NKAIN3: variants seen among roughly 807,000 people sequenced by gnomAD.
The protein encoded by NKAIN3 is sodium/potassium transporting ATPase interacting 3, also known as sodium/potassium-transporting ATPase subunit beta-1-interacting protein 3.
Under a neutral mutation model 30.2 loss-of-function variants are expected in NKAIN3, and 25 were observed. The observed-to-expected ratio is 0.83, with a 90% CI of 0.60 to 1.16. NKAIN3 has a LOEUF of 1.16. Among genes scored for constraint, NKAIN3 ranks in the 50% most tolerant of loss-of-function variants. The pLI is 0.00. For missense variants in NKAIN3, 225 were observed against 254.1 expected (o/e 0.89, Z 0.78); for synonymous variants, 91 against 89.6 (o/e 1.02, Z -0.09).
intron 1 of NKAIN3, among the ~76,000 whole-genome samples, chr8:62,401,546 T>C (rs1803873861): frequency 6.6e-6 from 1 of 152,134 alleles, no homozygotes; most frequent in Non-Finnish European, 1.5e-5. Flanking sequence ...GTATTTGCAG[T>C]CTGTGCCCAT....
At chr8:62,739,163 G>C (rs1343291773) in intron 3 of NKAIN3, among the ~76,000 whole-genome samples, 2 of 152,060 alleles carry the variant, frequency 1.3e-5, no homozygotes, top group Admixed American at 1.3e-4. Flanking sequence ...ACCTAATGTA[G>C]ATGATGAGTT....
intron 1 of NKAIN3, among the ~76,000 whole-genome samples, chr8:62,271,436 G>T (rs1286657582): frequency 6.6e-6 from 1 of 152,140 alleles, no homozygotes; most frequent in Admixed American, 6.6e-5. Context: ...GTATCAAGGT[G>T]TTCCTAAGAG....
intron 1 of NKAIN3, among the ~76,000 whole-genome samples, chr8:62,426,680 T>C (rs895332119): frequency 6.6e-6 from 1 of 151,978 alleles, no homozygotes; most frequent in African/African-American, 2.4e-5. Flanking sequence ...GCCTATTTCA[T>C]TAATTAAGAG....
chr8:62,288,076 C>T (rs971260960), intron 1 of NKAIN3, among the ~76,000 whole-genome samples: 1 of 152,130 alleles, frequency 6.6e-6, no homozygotes, highest in Non-Finnish European at 1.5e-5. Flanking sequence ...CCTCCTAACC[C>T]TCCGAGTAAA....
intron 3 of NKAIN3, among the ~76,000 whole-genome samples, chr8:62,676,233 C>A (rs1480732042): frequency 6.6e-6 from 1 of 152,178 alleles, no homozygotes; most frequent in Non-Finnish European, 1.5e-5. Flanking sequence ...CTGTCTGACT[C>A]CAAAGAACAC....
At chr8:62,678,167 A>G (rs1207068779) in intron 3 of NKAIN3, among the ~76,000 whole-genome samples, 1 of 152,190 alleles carries the variant, frequency 6.6e-6, no homozygotes, top group Non-Finnish European at 1.5e-5. Context: ...AAATAGGCAG[A>G]TAGTGGAGTC....
intron 1 of NKAIN3, among the ~76,000 whole-genome samples, chr8:62,509,857 C>T (rs1352830893): frequency 6.6e-6 from 1 of 152,026 alleles, no homozygotes; most frequent in African/African-American, 2.4e-5. Flanking sequence ...CTATTATAGG[C>T]AAAGCATTCT....
intron 1 of NKAIN3, among the ~76,000 whole-genome samples, chr8:62,264,791 A>G (rs775136744): frequency 6.6e-6 from 1 of 152,130 alleles, no homozygotes; most frequent in Non-Finnish European, 1.5e-5. Context: ...GTCCATTGTG[A>G]TGGTAAAATT....
At chr8:62,587,364 A>T (rs1810508695) in intron 2 of NKAIN3, among the ~76,000 whole-genome samples, 1 of 152,148 alleles carries the variant, frequency 6.6e-6, no homozygotes, top group East Asian at 1.9e-4. Context: ...AACAAACAAC[A>T]CAAGAATTCC....
At chr8:62,746,814 C>T in intron 3 of NKAIN3, 118 bp from the exon 4 acceptor site, 1 of 663,064 alleles carries the variant, frequency 1.5e-6, no homozygotes, top group South Asian at 2.2e-5. Context: ...TTACTTTTCA[C>T]TTGAAATTGA....
intron 1 of NKAIN3, among the ~76,000 whole-genome samples, chr8:62,396,504 G>C (rs368832989): frequency 2.0e-5 from 3 of 152,114 alleles, no homozygotes; most frequent in African/African-American, 7.2e-5. Flanking sequence ...AAAAGGACAA[G>C]GTATTTCCTG....
chr8:62,344,590 G>A (rs184534833), intron 1 of NKAIN3, among the ~76,000 whole-genome samples: 1 of 152,196 alleles, frequency 6.6e-6, no homozygotes, highest in Non-Finnish European at 1.5e-5. Context: ...TACTACAACA[G>A]TGTATGTAGA....
At chr8:62,555,036 A>T (rs1384761776) in intron 1 of NKAIN3, among the ~76,000 whole-genome samples, 3 of 118,516 alleles carry the variant, frequency 2.5e-5, no homozygotes, top group Non-Finnish European at 5.4e-5. Context: ...ACACACACAC[A>T]CACACACACA....
At chr8:62,529,986 A>C (rs987258985) in intron 1 of NKAIN3, among the ~76,000 whole-genome samples, 13 of 152,308 alleles carry the variant, frequency 8.5e-5, no homozygotes, top group African/African-American at 2.4e-4. Flanking sequence ...CTATCTGCCC[A>C]GCTCTGTTGA....
intron 1 of NKAIN3, among the ~76,000 whole-genome samples, chr8:62,355,558 T>G (rs1246537160): frequency 2.6e-5 from 4 of 152,202 alleles, no homozygotes; most frequent in Non-Finnish European, 5.9e-5. Flanking sequence ...GTTTTCTCAA[T>G]TTTTCTAATA....
intron 4 of NKAIN3, among the ~76,000 whole-genome samples, chr8:62,749,368 A>T (rs1411918281): frequency 6.6e-6 from 1 of 152,220 alleles, no homozygotes; most frequent in Non-Finnish European, 1.5e-5. Flanking sequence ...CTTTTCCCTT[A>T]TAAATGAATT....
At chr8:62,582,718 G>A (rs1810345209) in intron 2 of NKAIN3, among the ~76,000 whole-genome samples, 1 of 152,190 alleles carries the variant, frequency 6.6e-6, no homozygotes, top group Admixed American at 6.5e-5. Context: ...TGGAAAAATA[G>A]GAAAGAATTC....
Position 62,965,235 on chromosome 8 carries a change from C to G in NKAIN3, c.604-119C>G, listed in dbSNP as rs530788512. On this transcript the variant is annotated intron_variant, in intron 6 of 6. Coordinates refer to ENST00000623646, the MANE Select transcript of NKAIN3 (RefSeq NM_001304533.3). ...TCTTTAACTTTCTTATTGCTACAGT[C>G]AGACAGCACCAGGTGCACCCAGGAG... The G allele has an allele frequency of 5.6e-4, 507 of 901,660 alleles. 1 individual carries two copies. The highest frequency in any genetic ancestry group is 2.1e-3 in the South Asian group (41 of 19,654). The allele number at this position is 901,660 out of a possible 1,614,324, so 55.9% of individuals were successfully genotyped here.
intron 1 of NKAIN3, among the ~76,000 whole-genome samples, chr8:62,276,330 T>G (rs989894465): frequency 6.6e-6 from 1 of 152,202 alleles, no homozygotes; most frequent in Admixed American, 6.5e-5. Flanking sequence ...CCTCCCAAAT[T>G]GCTGGGATTA....
Sources: gnomAD v4.1 joint callset for allele counts (sites outside exome capture counted in the v4.1 genomes callset) on GRCh38, gnomAD v4.1.1 for gene constraint, MANE v1.5 for transcripts, NCBI Gene and HGNC (gene_info 2026-07-23, HGNC 2026-07-21) for gene names.